Variants in GRID2 observed in about 807,000 individuals in gnomAD.
GRID2 encodes glutamate ionotropic receptor delta type subunit 2.
A neutral mutation model predicts 114.8 loss-of-function variants in GRID2; 33 were observed. That is an observed-to-expected ratio of 0.29 (90% confidence interval 0.22 to 0.38). The LOEUF (loss-of-function observed/expected upper bound fraction) is 0.38, where lower values mean the gene tolerates loss of function less well. GRID2 is among the 10% of genes least tolerant of loss of function. The pLI, the probability that GRID2 is intolerant of heterozygous loss-of-function variation, is 1.00. For synonymous variants in GRID2, 505 were observed against 449.9 expected (o/e 1.12, Z -1.55); for missense variants, 1,184 against 1,257.7 (o/e 0.94, Z 0.89).
chr4:93,099,144 C>T (rs1476901427), intron 3 of GRID2, among the ~76,000 whole-genome samples: 1 of 151,664 alleles, frequency 6.6e-6, no homozygotes, highest in Non-Finnish European at 1.5e-5. Flanking sequence ...AGTTACCACC[C>T]TGAGTTACAT....
chr4:93,594,662 A>G (rs1006532365), intron 13 of GRID2, among the ~76,000 whole-genome samples: 3 of 152,028 alleles, frequency 2.0e-5, no homozygotes, highest in African/African-American at 7.2e-5. Context: ...CCTCGCTGCC[A>G]CCTTGCAGCT....
rs148296538 is a variant in GRID2 at position 93,178,413 on chromosome 4, A to G, written c.736-28991A>G. On this transcript the variant is annotated intron_variant, in intron 4 of 15. Coordinates refer to ENST00000282020, the MANE Select transcript of GRID2 (RefSeq NM_001510.4). ...TTTTTTTTTTTTTTTTTTTTTTTCC[A>G]GAGAGAGGAATCTTGCTCTGCTTCT... Among the ~76,000 whole-genome samples, 16 of 66,590 alleles carry G rather than the reference A, an allele frequency of 2.4e-4. 2 individuals are homozygous for G. The East Asian group carries it at 7.7e-3, about 32-fold the overall frequency. The allele number at this position is 66,590 out of a possible 152,430, so 43.7% of individuals were successfully genotyped here.
At chr4:93,041,307 T>G (rs1725493028) in intron 2 of GRID2, among the ~76,000 whole-genome samples, 1 of 152,192 alleles carries the variant, frequency 6.6e-6, no homozygotes, top group South Asian at 2.1e-4. Context: ...GGGCACTGCT[T>G]AGATTTCTTT....
At chr4:93,795,905 T>G (rs1394819622) in intron 1 of GRID2, among the ~76,000 whole-genome samples, 1 of 152,160 alleles carries the variant, frequency 6.6e-6, no homozygotes, top group Admixed American at 6.5e-5. Flanking sequence ...AGAATCCAAG[T>G]TTCTTCTCTA....
intron 13 of GRID2, among the ~76,000 whole-genome samples, chr4:93,582,211 C>T (rs949472768): frequency 3.3e-5 from 5 of 152,136 alleles, no homozygotes; most frequent in Non-Finnish European, 7.4e-5. Flanking sequence ...AAGTCACCTA[C>T]ATTTCTGAAC....
At chr4:93,091,831 T>A (rs1730819283) in intron 3 of GRID2, among the ~76,000 whole-genome samples, 1 of 152,086 alleles carries the variant, frequency 6.6e-6, no homozygotes, top group Non-Finnish European at 1.5e-5. Flanking sequence ...GACTGAAACA[T>A]AATTGAGTCC....
rs186900051 is a variant in GRID2 at position 92,911,838 on chromosome 4, A to G, written c.245-173157A>G. Among the ~76,000 whole-genome samples, 527 of 151,838 alleles carry G rather than the reference A, an allele frequency of 3.5e-3. 2 individuals carry two copies. The highest frequency in any genetic ancestry group is 5.1e-3 in the Non-Finnish European group (345 of 67,774). ...GTTCATGTGAATTTAGGATAAAAAC[A>G]TGCAGCAACAATAAATCCCTTGTGG... On this transcript the variant is annotated intron_variant, in intron 2 of 15. Coordinates refer to ENST00000282020, the MANE Select transcript of GRID2 (RefSeq NM_001510.4).
chr4:93,533,291 TTCCTTCCTTCCTTCCTTCC>T, intron 13 of GRID2, among the ~76,000 whole-genome samples: 1 of 145,064 alleles, frequency 6.9e-6, no homozygotes, highest in Non-Finnish European at 1.5e-5. Context: ...CCTTCCTTCC[TTCCTTCCTTCCTTCCTTCC>T]TTCCTTCTTT....
At chr4:92,689,886 C>G (rs1262456940) in intron 2 of GRID2, among the ~76,000 whole-genome samples, 1 of 152,158 alleles carries the variant, frequency 6.6e-6, no homozygotes, top group South Asian at 2.1e-4. Context: ...CCTTACCTCA[C>G]TCAGCCTTCA....
intron 2 of GRID2, among the ~76,000 whole-genome samples, chr4:92,737,211 G>C (rs1579942402): frequency 6.6e-6 from 1 of 151,954 alleles, no homozygotes; most frequent in African/African-American, 2.4e-5. Flanking sequence ...ATTGTAAAAG[G>C]GTCTCAAGAT....
chr4:92,479,071 G>A (rs1379131857), intron 1 of GRID2, among the ~76,000 whole-genome samples: 1 of 152,066 alleles, frequency 6.6e-6, no homozygotes, highest in Admixed American at 6.6e-5. Flanking sequence ...ATATGAGCCA[G>A]TTGAAAAGCT....
intron 8 of GRID2, among the ~76,000 whole-genome samples, chr4:93,309,982 T>A (rs996984135): frequency 1.3e-5 from 2 of 152,160 alleles, no homozygotes; most frequent in Non-Finnish European, 2.9e-5. Flanking sequence ...TACTGCCTTG[T>A]GTAGGTGGGG....
At chr4:93,235,977 A>C (rs1746742509) in intron 7 of GRID2, among the ~76,000 whole-genome samples, 1 of 152,070 alleles carries the variant, frequency 6.6e-6, no homozygotes, top group Admixed American at 6.6e-5. Context: ...TTTTTCGTAT[A>C]AATAAGCTAC....
In GRID2 at chr4:93,237,409, T is replaced by C. The variant is rs562265244; in HGVS notation, c.1126-962T>C. Reference sequence around the variant, plus strand: ...CAAATGAAGTAGAAGGAAAAGCAAATAGCATAATATTACTACCAGCCAGAA... The same window carrying C: ...CAAATGAAGTAGAAGGAAAAGCAAACAGCATAATATTACTACCAGCCAGAA... On this transcript the variant is annotated intron_variant, in intron 7 of 15. Transcript: ENST00000282020. Among the ~76,000 whole-genome samples the C allele has an allele frequency of 4.0e-5, 6 of 151,870 alleles. No individual in the cohort carries two copies. In the East Asian group the frequency reaches 5.8e-4, roughly 15 times the overall value.
Position 93,553,467 on chromosome 4 carries a change from T to A in GRID2, c.2193+38056T>A, listed in dbSNP as rs560712461. Among the ~76,000 whole-genome samples the A allele has an allele frequency of 2.0e-5, 3 of 152,364 alleles. No homozygotes were observed. The South Asian group carries it at 6.2e-4, about 32-fold the overall frequency. On this transcript the variant is annotated intron_variant, in intron 13 of 15. Transcript: ENST00000282020. ...AGGTTTATACGTATTATAGTTCATC[T>A]TGCTCAATTATTCCTCTCAGCTGTG...
intron 14 of GRID2, among the ~76,000 whole-genome samples, chr4:93,659,388 A>G (rs956507499): frequency 2.0e-5 from 3 of 152,184 alleles, no homozygotes; most frequent in African/African-American, 7.2e-5. Flanking sequence ...TGAGAGACAC[A>G]GATTATATAT....
intron 1 of GRID2, among the ~76,000 whole-genome samples, chr4:93,799,046 C>A (rs1053904404): frequency 1.2e-4 from 19 of 152,188 alleles, no homozygotes; most frequent in African/African-American, 4.6e-4. Flanking sequence ...CACTGCTTAG[C>A]GGTCTGATCT....
At chr4:92,938,888 A>G (rs922351767) in intron 2 of GRID2, among the ~76,000 whole-genome samples, 1 of 146,994 alleles carries the variant, frequency 6.8e-6, no homozygotes, top group African/African-American at 2.4e-5. Flanking sequence ...TACAAAGGAC[A>G]TGAACTCATC....
intron 2 of GRID2, among the ~76,000 whole-genome samples, chr4:92,623,503 G>A (rs6812202): frequency 0.015 from 2,352 of 151,762 alleles, 55 homozygotes; most frequent in African/African-American, 0.053. Context: ...ACAGAGCTAA[G>A]TTCTGAAAAT....
Sources: allele counts gnomAD v4.1 joint callset (sites outside exome capture counted in the v4.1 genomes callset), GRCh38; gene constraint gnomAD v4.1.1; transcripts MANE v1.5; gene names NCBI Gene and HGNC (gene_info 2026-07-23, HGNC 2026-07-21).